ITGB5: variants seen among roughly 807,000 people sequenced by gnomAD.
ITGB5 encodes the protein integrin subunit beta 5, also known as integrin beta-5.
Under a neutral mutation model 84.8 loss-of-function variants are expected in ITGB5, and 38 were observed. The ratio of observed to expected loss-of-function variants is 0.45; its 90% CI spans 0.35 to 0.59. ITGB5 has a LOEUF of 0.59. Among genes scored for constraint, ITGB5 ranks in the 20% least tolerant of loss-of-function variants. The pLI, the probability that ITGB5 is intolerant of heterozygous loss-of-function variation, is 0.01. For synonymous variants in ITGB5, 393 were observed against 414.4 expected, an observed-to-expected ratio of 0.95 and a Z score of 0.63; for missense variants, 905 against 1,034.5, an observed-to-expected ratio of 0.87 and a Z score of 1.72.
chr3:124,858,999 T>A (rs532577753), intron 3 of ITGB5, among the ~76,000 whole-genome samples: 22 of 152,354 alleles, frequency 1.4e-4, no homozygotes, highest in African/African-American at 5.3e-4. Flanking sequence ...GTAAATGTTA[T>A]GTATATTTCA....
chr3:124,793,232 A>G (rs1234599968), intron 10 of ITGB5: 1 of 152,222 alleles, frequency 6.6e-6, no homozygotes, highest in African/African-American at 2.4e-5. Flanking sequence ...CATCTGACTC[A>G]AACGCCCTTG....
intron 8 of ITGB5, 179 bp from the exon 9 acceptor site, chr3:124,809,335 A>C: frequency 1.6e-6 from 1 of 614,576 alleles, no homozygotes; most frequent in Non-Finnish European, 2.8e-6. Flanking sequence ...CTCTGCACTC[A>C]CACAACATCT....
chr3:124,854,703 G>A (rs571199480), intron 3 of ITGB5, among the ~76,000 whole-genome samples: 45 of 152,244 alleles, frequency 3.0e-4, no homozygotes, highest in Middle Eastern at 3.4e-3. Context: ...GTACAACCTT[G>A]CAAATATACT....
chr3:124,823,808 T>C (rs950107174), intron 5 of ITGB5, among the ~76,000 whole-genome samples: 5 of 152,026 alleles, frequency 3.3e-5, no homozygotes, highest in Non-Finnish European at 5.9e-5. Context: ...TATAAACTAG[T>C]AGAGTTTTTT....
chr3:124,794,089 T>C (rs1242104434), intron 10 of ITGB5, among the ~76,000 whole-genome samples: 1 of 152,204 alleles, frequency 6.6e-6, no homozygotes, highest in Non-Finnish European at 1.5e-5. Context: ...CCTTAGTTCC[T>C]TTCAAATCCA....
At chr3:124,764,247 G>A in intron 14 of ITGB5, 144 bp downstream of exon 14, 1 of 853,024 alleles carries the variant, frequency 1.2e-6, no homozygotes. Flanking sequence ...TCTCTCTCCA[G>A]AACTGGGCAC....
intron 9 of ITGB5, among the ~76,000 whole-genome samples, chr3:124,801,943 C>T (rs1288525251): frequency 6.6e-6 from 1 of 152,234 alleles, no homozygotes; most frequent in Non-Finnish European, 1.5e-5. Flanking sequence ...ACACATCTTG[C>T]CAATATGCAC....
At chr3:124,804,808 A>C (rs1042883312) in intron 9 of ITGB5, among the ~76,000 whole-genome samples, 1 of 152,090 alleles carries the variant, frequency 6.6e-6, no homozygotes, top group Admixed American at 6.5e-5. Context: ...CTGGGAATAC[A>C]GGTGCACATC....
Position 124,869,121 on chromosome 3 carries a change from T to C in ITGB5, c.156+4325A>G, listed in dbSNP as rs567737763. ...GAATGTACCATGGGATTCATCCTCA[T>C]AGGTTGGGAACCTGGCCCTCACCGG... On this transcript the variant is annotated intron_variant, in intron 2 of 14. Transcript: ENST00000296181. 1.5e-4 allele frequency among the ~76,000 whole-genome samples: 23 copies of C among 152,314 alleles called. No individual in the cohort carries two copies. In the South Asian group the frequency reaches 4.6e-3, roughly 30 times the overall value.
intron 8 of ITGB5, among the ~76,000 whole-genome samples, chr3:124,810,784 T>C (rs987575159): frequency 6.6e-6 from 1 of 152,186 alleles, no homozygotes; most frequent in Non-Finnish European, 1.5e-5. Context: ...TGTACCCATA[T>C]GAGAGACAAG....
chr3:124,798,145 C>T (rs980147504), intron 9 of ITGB5, among the ~76,000 whole-genome samples: 144 of 145,166 alleles, frequency 9.9e-4, no homozygotes, highest in African/African-American at 3.4e-3. Flanking sequence ...CTCCACCTCC[C>T]GGGTTCAAGC....
chr3:124,791,067 C>T (rs1323435704), intron 10 of ITGB5: 1 of 152,168 alleles, frequency 6.6e-6, no homozygotes, highest in Non-Finnish European at 1.5e-5. Flanking sequence ...TAGCTCAAAT[C>T]CCAGAAAATG....
At chr3:124,870,597 C>T (rs541089492) in intron 2 of ITGB5, among the ~76,000 whole-genome samples, 3 of 152,182 alleles carry the variant, frequency 2.0e-5, no homozygotes, top group African/African-American at 4.8e-5. Context: ...TGTGGTGCCA[C>T]GTGCCTGTAA....
intron 9 of ITGB5, among the ~76,000 whole-genome samples, chr3:124,808,480 C>T (rs16836045): frequency 1.3e-5 from 2 of 152,192 alleles, no homozygotes; most frequent in African/African-American, 4.8e-5. Context: ...CTTGGTTTAG[C>T]GCAGAGGCAC....
At chr3:124,774,103 C>T (rs1422318634) in intron 10 of ITGB5, among the ~76,000 whole-genome samples, 191 bp from the exon 11 acceptor site, 3 of 152,172 alleles carry the variant, frequency 2.0e-5, no homozygotes, top group Non-Finnish European at 4.4e-5. Flanking sequence ...ACCCTGGCAG[C>T]GGGTGTGGCT....
intron 9 of ITGB5, among the ~76,000 whole-genome samples, chr3:124,806,744 A>C (rs2064411693): frequency 6.7e-6 from 1 of 150,348 alleles, no homozygotes; most frequent in Non-Finnish European, 1.5e-5. Context: ...GCCTCATTCC[A>C]TTTTTTATAA....
intron 14 of ITGB5, 85 bp downstream of exon 14, chr3:124,764,306 G>A: frequency 7.3e-7 from 1 of 1,376,370 alleles, no homozygotes; most frequent in Non-Finnish European, 1.0e-6. Context: ...AGACATTAGT[G>A]AGCCTCTATT....
intron 9 of ITGB5, among the ~76,000 whole-genome samples, chr3:124,797,557 A>G (rs1207121013): frequency 6.6e-6 from 1 of 152,230 alleles, no homozygotes; most frequent in African/African-American, 2.4e-5. Context: ...TTTCTCACTC[A>G]GGAGCTTCTC....
chr3:124,860,585 A>G (rs193174319), intron 2 of ITGB5, among the ~76,000 whole-genome samples: 116 of 152,334 alleles, frequency 7.6e-4, no homozygotes, highest in African/African-American at 2.6e-3. Flanking sequence ...TTTATTATAA[A>G]TCATGAAGCC....
Sources: allele counts gnomAD v4.1 joint callset (sites outside exome capture counted in the v4.1 genomes callset), GRCh38; gene constraint gnomAD v4.1.1; transcripts MANE v1.5; gene names NCBI Gene and HGNC (gene_info 2026-07-23, HGNC 2026-07-21).